The following CSMD1 variants were observed in gnomAD, a reference collection of about 807,000 sequenced individuals.
The protein encoded by CSMD1 is CUB and Sushi multiple domains 1, also known as CUB and sushi domain-containing protein 1.
CSMD1 carries 213 observed loss-of-function variants against 417.5 expected under a neutral mutation model. That is an observed-to-expected ratio of 0.51 (90% CI 0.46 to 0.57). The LOEUF is 0.57. CSMD1 is among the 20% of genes least tolerant of loss of function. The pLI is 0.00. For synonymous variants in CSMD1, 2,862 were observed against 1,736.8 expected (o/e 1.65, Z -16.11); for missense variants, 6,923 against 4,529.7 (o/e 1.53, Z -15.17).
At chr8:4,896,923 C>T (rs1804534648) in intron 1 of CSMD1, among the ~76,000 whole-genome samples, 1 of 152,066 alleles carries the variant, frequency 6.6e-6, no homozygotes, top group Non-Finnish European at 1.5e-5. Context: ...TCTTCCTACC[C>T]GCCTGTCTCC....
intron 8 of CSMD1, among the ~76,000 whole-genome samples, chr8:3,602,492 T>G (rs1388282774): frequency 6.6e-6 from 1 of 152,172 alleles, no homozygotes; most frequent in East Asian, 1.9e-4. Context: ...TGCTTTAATA[T>G]TGATCCTAAA....
At chr8:4,894,956 G>T (rs1209731267) in intron 1 of CSMD1, among the ~76,000 whole-genome samples, 1 of 152,282 alleles carries the variant, frequency 6.6e-6, no homozygotes, top group East Asian at 1.9e-4. Context: ...AAATGGCTGA[G>T]GTTCAGGGCT....
intron 3 of CSMD1, among the ~76,000 whole-genome samples, chr8:4,219,955 A>AT (rs1485890817): frequency 3.9e-5 from 6 of 152,050 alleles, no homozygotes; most frequent in Non-Finnish European, 8.8e-5. Flanking sequence ...AAATTTTTTA[A>AT]TGCTTTTTTT....
At position 2,942,462 on chromosome 8, in the gene CSMD1, T is replaced by C. The variant is rs1286816433; in HGVS notation, c.10535+10A>G. ...ACAACATTCTCAAACAGATGGTGTTTCTGCAGTACCTGTGTTTGTAGAGGT... is the reference window on the plus strand; with the variant it reads ...ACAACATTCTCAAACAGATGGTGTTCCTGCAGTACCTGTGTTTGTAGAGGT... On this transcript the variant is annotated intron_variant, in intron 69 of 69. Coordinates refer to ENST00000635120, the MANE Select transcript of CSMD1 (RefSeq NM_033225.6). The C allele has an allele frequency of 6.2e-7, 1 of 1,609,312 alleles. No homozygotes were observed. The highest frequency in any genetic ancestry group is 8.5e-7 in the Non-Finnish European group (1 of 1,177,100).
intron 5 of CSMD1, among the ~76,000 whole-genome samples, chr8:3,758,028 A>C (rs958916736): frequency 2.6e-5 from 4 of 151,818 alleles, no homozygotes; most frequent in Non-Finnish European, 5.9e-5. Context: ...CACTGGCACA[A>C]TCTCAGCTCG....
chr8:3,034,673 G>C (rs1055276663), intron 50 of CSMD1, among the ~76,000 whole-genome samples: 27 of 152,204 alleles, frequency 1.8e-4, no homozygotes, highest in Non-Finnish European at 3.4e-4. Context: ...AGGAAGACTA[G>C]GATGCTTCTG....
chr8:4,145,885 G>A (rs892989080), intron 3 of CSMD1, among the ~76,000 whole-genome samples: 4 of 151,048 alleles, frequency 2.6e-5, no homozygotes, highest in Admixed American at 6.6e-5. Context: ...TCAAAATCAT[G>A]TCTTGCTCAA....
At chr8:3,743,410 C>T (rs2720840) in intron 6 of CSMD1, among the ~76,000 whole-genome samples, 94,942 of 152,080 alleles carry the variant, frequency 0.62, 29,767 homozygotes, top group East Asian at 0.74. Context: ...AATAGTGTGA[C>T]ATTAGGATGG....
chr8:4,944,179 G>A (rs908470988), intron 1 of CSMD1, among the ~76,000 whole-genome samples: 12 of 152,186 alleles, frequency 7.9e-5, no homozygotes, highest in South Asian at 4.1e-4. Flanking sequence ...AAAAATCCAC[G>A]AACTTAGATT....
At chr8:3,153,552 G>C (rs1819329825) in intron 39 of CSMD1, among the ~76,000 whole-genome samples, 1 of 152,190 alleles carries the variant, frequency 6.6e-6, no homozygotes, top group Admixed American at 6.5e-5. Context: ...ACAAAAAAAG[G>C]AAAACAACAG....
At chr8:4,373,745 C>T (rs1439411779) in intron 3 of CSMD1, among the ~76,000 whole-genome samples, 1 of 152,174 alleles carries the variant, frequency 6.6e-6, no homozygotes, top group East Asian at 1.9e-4. Flanking sequence ...GAACACTGTG[C>T]CATCTTATTA....
At chr8:4,594,012 G>C (rs1461085085) in intron 2 of CSMD1, among the ~76,000 whole-genome samples, 1 of 152,002 alleles carries the variant, frequency 6.6e-6, no homozygotes, top group Non-Finnish European at 1.5e-5. Flanking sequence ...TCTGGAGGTT[G>C]TTGGGAATCT....
chr8:3,615,910 A>G (rs1475971874), intron 8 of CSMD1, among the ~76,000 whole-genome samples: 1 of 152,178 alleles, frequency 6.6e-6, no homozygotes, highest in East Asian at 1.9e-4. Context: ...AATAAGTGCA[A>G]AAATCTAAAG....
intron 3 of CSMD1, among the ~76,000 whole-genome samples, chr8:4,217,817 C>A (rs914261827): frequency 6.6e-6 from 1 of 152,060 alleles, no homozygotes; most frequent in Non-Finnish European, 1.5e-5. Context: ...CGATCACCCT[C>A]TCAAGTAAGA....
chr8:4,546,945 A>T (rs1379191370), intron 2 of CSMD1, among the ~76,000 whole-genome samples: 2 of 152,120 alleles, frequency 1.3e-5, no homozygotes, highest in African/African-American at 4.8e-5. Context: ...CTGCCCCTAC[A>T]GGATAGCCTC....
chr8:3,664,214 G>A (rs1413240815), intron 7 of CSMD1, among the ~76,000 whole-genome samples: 3 of 152,062 alleles, frequency 2.0e-5, no homozygotes, highest in Admixed American at 2.0e-4. Context: ...CCCTGTGTGT[G>A]ATGTTCCCCC....
intron 12 of CSMD1, among the ~76,000 whole-genome samples, chr8:3,422,104 C>A (rs1285646011): frequency 6.6e-6 from 1 of 151,964 alleles, no homozygotes; most frequent in Non-Finnish European, 1.5e-5. Context: ...CTTCCCATGA[C>A]TAGATGATCA....
At chr8:3,382,354 T>C (rs1474389214) in intron 18 of CSMD1, among the ~76,000 whole-genome samples, 1 of 146,454 alleles carries the variant, frequency 6.8e-6, no homozygotes, top group Non-Finnish European at 1.5e-5. Context: ...ATATGTATAT[T>C]TATTATTAGC....
chr8:3,307,885 C>T (rs1805005801), intron 24 of CSMD1, 64 bp from the exon 25 acceptor site: 7 of 1,558,776 alleles, frequency 4.5e-6, no homozygotes, highest in Non-Finnish European at 6.1e-6. Flanking sequence ...TATTTAGCTA[C>T]TTTTCAAAAC....
Sources: gnomAD v4.1 joint callset for allele counts (sites outside exome capture counted in the v4.1 genomes callset) on GRCh38, gnomAD v4.1.1 for gene constraint, MANE v1.5 for transcripts, NCBI Gene and HGNC (gene_info 2026-07-23, HGNC 2026-07-21) for gene names.